Variants in ATXN1 observed in about 807,000 individuals in gnomAD.
The protein encoded by ATXN1 is ataxin 1.
Under a neutral mutation model 56.4 loss-of-function variants are expected in ATXN1, and 8 were observed. The ratio of observed to expected loss-of-function variants is 0.14; its 90% CI spans 0.08 to 0.26. The LOEUF is 0.26. Ranked by LOEUF, ATXN1 falls within the 10% of genes least tolerant of loss-of-function variation. The probability of loss-of-function intolerance (pLI) is 1.00; values close to 1 mark genes in which losing one functional copy is unlikely to be tolerated. For synonymous variants in ATXN1, 514 were observed against 494.6 expected (o/e 1.04, Z -0.52); for missense variants, 987 against 1,106.5 (o/e 0.89, Z 1.53).
At chr6:16,452,200 A>G (rs1014166645) in intron 6 of ATXN1, among the ~76,000 whole-genome samples, 3 of 152,214 alleles carry the variant, frequency 2.0e-5, no homozygotes, top group African/African-American at 4.8e-5. Flanking sequence ...TCAACTGAGC[A>G]CCAGACTGTG....
chr6:16,636,555 C>T (rs1763600903), intron 3 of ATXN1, among the ~76,000 whole-genome samples: 1 of 152,194 alleles, frequency 6.6e-6, no homozygotes, highest in Non-Finnish European at 1.5e-5. Flanking sequence ...CACCTTCTGC[C>T]CATGACAACT....
At chr6:16,387,766 T>C (rs1758271296) in intron 6 of ATXN1, among the ~76,000 whole-genome samples, 1 of 152,166 alleles carries the variant, frequency 6.6e-6, no homozygotes, top group Admixed American at 6.5e-5. Flanking sequence ...CCACATAAAA[T>C]ATCGAATCAG....
chr6:16,589,385 G>A (rs1762683921), intron 3 of ATXN1, among the ~76,000 whole-genome samples: 2 of 151,410 alleles, frequency 1.3e-5, no homozygotes, highest in South Asian at 4.1e-4. Context: ...AAAGAAATGT[G>A]TGTATATACA....
intron 7 of ATXN1, among the ~76,000 whole-genome samples, chr6:16,323,161 T>G (rs2073519): frequency 0.27 from 40,629 of 152,074 alleles, 6,334 homozygotes; most frequent in East Asian, 0.46. Flanking sequence ...TTTCATTTAA[T>G]CATTAATTTT....
chr6:16,588,166 C>G (rs1762662142), intron 3 of ATXN1, among the ~76,000 whole-genome samples: 1 of 152,116 alleles, frequency 6.6e-6, no homozygotes, highest in African/African-American at 2.4e-5. Flanking sequence ...TACTCCTCAA[C>G]TCCCTCCGCT....
chr6:16,704,908 G>A (rs766672432), intron 2 of ATXN1, among the ~76,000 whole-genome samples: 7 of 152,140 alleles, frequency 4.6e-5, no homozygotes, highest in South Asian at 2.1e-4. Flanking sequence ...GAGGGGGAGG[G>A]GGCACAGTGC....
chr6:16,654,552 A>T (rs1414391461), intron 3 of ATXN1, among the ~76,000 whole-genome samples: 2 of 86,894 alleles, frequency 2.3e-5, no homozygotes, highest in Non-Finnish European at 4.6e-5. Flanking sequence ...AAAAAAAAAA[A>T]AAAAAAAAAA....
At chr6:16,594,358 C>T (rs911906493) in intron 3 of ATXN1, among the ~76,000 whole-genome samples, 3 of 151,888 alleles carry the variant, frequency 2.0e-5, no homozygotes, top group African/African-American at 7.3e-5. Context: ...TATCAACCTA[C>T]ACTCCCACCA....
At chr6:16,642,339 G>A in intron 3 of ATXN1, among the ~76,000 whole-genome samples, 1 of 152,162 alleles carries the variant, frequency 6.6e-6, no homozygotes, top group East Asian at 1.9e-4. Flanking sequence ...AGGTTGCAGT[G>A]AGCCGAGATC....
chr6:16,371,575 G>C (rs553001789), intron 6 of ATXN1, among the ~76,000 whole-genome samples: 1 of 151,958 alleles, frequency 6.6e-6, no homozygotes, highest in South Asian at 2.1e-4. Context: ...TTTTTGAGCC[G>C]AGACAGGGTC....
intron 4 of ATXN1, among the ~76,000 whole-genome samples, chr6:16,578,076 G>T (rs531154528): frequency 1.1e-3 from 161 of 151,966 alleles, no homozygotes; most frequent in African/African-American, 3.8e-3. Flanking sequence ...TTCATTTTTG[G>T]TTCTATTTTA....
intron 2 of ATXN1, among the ~76,000 whole-genome samples, chr6:16,663,124 C>G (rs574274699): frequency 8.0e-4 from 121 of 152,086 alleles, no homozygotes; most frequent in Non-Finnish European, 1.5e-3. Flanking sequence ...AGGCGTCCAC[C>G]ACCATGCCTG....
intron 6 of ATXN1, among the ~76,000 whole-genome samples, chr6:16,439,999 C>T (rs994647213): frequency 3.3e-5 from 5 of 150,654 alleles, no homozygotes; most frequent in African/African-American, 4.9e-5. Flanking sequence ...CACTTGAACC[C>T]GGGAGGCGGA....
chr6:16,548,783 C>T (rs1274994725), intron 4 of ATXN1, among the ~76,000 whole-genome samples: 4 of 151,930 alleles, frequency 2.6e-5, no homozygotes, highest in South Asian at 2.1e-4. Flanking sequence ...AATTAGCCGG[C>T]GTGGTGGTGC....
intron 5 of ATXN1, among the ~76,000 whole-genome samples, chr6:16,520,809 G>A (rs779238791): frequency 5.3e-5 from 8 of 152,068 alleles, no homozygotes; most frequent in Non-Finnish European, 1.2e-4. Flanking sequence ...GGACAGGAGC[G>A]ATCAATGTTA....
At chr6:16,376,950 G>A (rs1333682020) in intron 6 of ATXN1, among the ~76,000 whole-genome samples, 1 of 152,186 alleles carries the variant, frequency 6.6e-6, no homozygotes, top group Non-Finnish European at 1.5e-5. Context: ...GATATAACCT[G>A]CAGGAACCTA....
chr6:16,680,827 T>C (rs368891849), intron 2 of ATXN1, among the ~76,000 whole-genome samples: 12 of 152,190 alleles, frequency 7.9e-5, no homozygotes, highest in African/African-American at 2.4e-4. Context: ...ACTAAACAGC[T>C]GTGGGCATAA....
At chr6:16,478,316 T>C (rs1760369372) in intron 6 of ATXN1, among the ~76,000 whole-genome samples, 1 of 152,228 alleles carries the variant, frequency 6.6e-6, no homozygotes, top group African/African-American at 2.4e-5. Flanking sequence ...TGTGAGCCAG[T>C]AGATATGTAG....
At chr6:16,585,024 C>G (rs988768523) in intron 4 of ATXN1, among the ~76,000 whole-genome samples, 3 of 151,210 alleles carry the variant, frequency 2.0e-5, no homozygotes, top group Non-Finnish European at 4.4e-5. Flanking sequence ...CTTGAGGTCA[C>G]GAGTTTGAGA....
Sources: gnomAD v4.1 joint callset for allele counts (sites outside exome capture counted in the v4.1 genomes callset) on GRCh38, gnomAD v4.1.1 for gene constraint, MANE v1.5 for transcripts, NCBI Gene and HGNC (gene_info 2026-07-23, HGNC 2026-07-21) for gene names.